LIMD1: variants seen among roughly 807,000 people sequenced by gnomAD.
LIMD1 encodes LIM domain-containing protein 1.
Under a neutral mutation model 58.4 loss-of-function variants are expected in LIMD1, and 23 were observed. The observed-to-expected ratio is 0.39, with a 90% confidence interval of 0.28 to 0.56. The LOEUF (loss-of-function observed/expected upper bound fraction) is 0.56. LIMD1 is among the 20% of genes least tolerant of loss of function. The pLI is 0.57. For synonymous variants in LIMD1, 334 were observed against 345.5 expected (o/e 0.97, Z 0.37); for missense variants, 838 against 855.5 (o/e 0.98, Z 0.25).
intron 2 of LIMD1, among the ~76,000 whole-genome samples, chr3:45,655,603 T>C (rs905323192): frequency 6.6e-6 from 1 of 152,134 alleles, no homozygotes; most frequent in Non-Finnish European, 1.5e-5. Flanking sequence ...CTAGGGAACT[T>C]AACTAGAAAT....
At chr3:45,651,706 C>T (rs1701975836) in intron 2 of LIMD1, among the ~76,000 whole-genome samples, 2 of 152,016 alleles carry the variant, frequency 1.3e-5, no homozygotes, top group African/African-American at 2.4e-5. Flanking sequence ...GATCTCAGCT[C>T]AGTGCAACCT....
intron 1 of LIMD1, among the ~76,000 whole-genome samples, chr3:45,624,531 C>A (rs982867342): frequency 6.6e-6 from 1 of 151,944 alleles, no homozygotes; most frequent in Non-Finnish European, 1.5e-5. Flanking sequence ...ACAGTGAAAC[C>A]CCATCTCTAC....
intron 1 of LIMD1, among the ~76,000 whole-genome samples, chr3:45,627,746 G>A: frequency 6.9e-6 from 1 of 145,234 alleles, no homozygotes. Context: ...GGTAGCTCAT[G>A]CCTGTAATCC....
At chr3:45,619,831 C>G (rs1210428567) in intron 1 of LIMD1, among the ~76,000 whole-genome samples, 1 of 105,004 alleles carries the variant, frequency 9.5e-6, no homozygotes, top group Non-Finnish European at 1.8e-5. Context: ...ACCCCCCGCC[C>G]CCCCCCCCAA....
chr3:45,610,438 G>C (rs1701512400), intron 1 of LIMD1, among the ~76,000 whole-genome samples: 2 of 152,120 alleles, frequency 1.3e-5, no homozygotes, highest in African/African-American at 4.8e-5. Context: ...AGGACTAGAG[G>C]GGCCAGAAAG....
chr3:45,638,946 A>G (rs1041285852), intron 2 of LIMD1, among the ~76,000 whole-genome samples: 4 of 152,186 alleles, frequency 2.6e-5, no homozygotes, highest in African/African-American at 9.7e-5. Flanking sequence ...ATGTAATTGT[A>G]GCTCACTGCA....
intron 1 of LIMD1, among the ~76,000 whole-genome samples, chr3:45,604,700 G>T (rs559220405): frequency 2.0e-3 from 312 of 152,268 alleles, no homozygotes; most frequent in Non-Finnish European, 3.7e-3. Flanking sequence ...GGCCAGTGCT[G>T]TGCTGCCAAT....
At chr3:45,631,128 C>T (rs1701727740) in intron 1 of LIMD1, among the ~76,000 whole-genome samples, 1 of 152,042 alleles carries the variant, frequency 6.6e-6, no homozygotes, top group Admixed American at 6.6e-5. Context: ...AGCTTGAAAC[C>T]AGGAGGCAGA....
intron 1 of LIMD1, among the ~76,000 whole-genome samples, chr3:45,631,898 G>T (rs936276721): frequency 1.3e-5 from 2 of 152,146 alleles, no homozygotes; most frequent in Non-Finnish European, 1.5e-5. Flanking sequence ...GCACTGACAC[G>T]TGCAATTCAT....
intron 6 of LIMD1, 85 bp downstream of exon 6, chr3:45,673,590 C>A: frequency 8.9e-7 from 1 of 1,120,716 alleles, no homozygotes; most frequent in Non-Finnish European, 1.4e-6. Flanking sequence ...CATGTCCTGT[C>A]CTTACAGCTT....
intron 2 of LIMD1, among the ~76,000 whole-genome samples, chr3:45,643,789 G>A (rs1215814724): frequency 5.3e-5 from 8 of 152,186 alleles, no homozygotes; most frequent in African/African-American, 1.9e-4. Context: ...GTGCAGGTCC[G>A]AGCTCAGTGG....
Position 45,686,013 on chromosome 3 carries a change from A to C in LIMD1, c.*8954A>C, listed in dbSNP as rs1697804340. The C allele has an allele frequency of 6.6e-6, 1 of 152,164 alleles. No homozygotes were observed. Among genetic ancestry groups the C allele is most frequent in the Admixed American group, 6.5e-5 (1 of 15,280 alleles). 9.4% of individuals were successfully genotyped at this position (152,164 alleles called of 1,614,324 possible). ...CAAGCTGACTCCCAGCACATCCAAG[A>C]ATGCAATTAACTGATAAGATACTGT... On this transcript the variant is annotated 3_prime_UTR_variant, in exon 8 of 8. Coordinates refer to ENST00000273317, the MANE Select transcript of LIMD1 (RefSeq NM_014240.3).
At chr3:45,608,579 C>A (rs1014445673) in intron 1 of LIMD1, among the ~76,000 whole-genome samples, 1 of 152,170 alleles carries the variant, frequency 6.6e-6, no homozygotes, top group African/African-American at 2.4e-5. Flanking sequence ...GTGGCTCACA[C>A]CTATAATCCC....
chr3:45,651,926 C>T (rs1222237798), intron 2 of LIMD1, among the ~76,000 whole-genome samples: 1 of 144,644 alleles, frequency 6.9e-6, no homozygotes, highest in African/African-American at 2.4e-5. Context: ...GCCACCGCAC[C>T]CGGCCTGTTA....
At chr3:45,659,965 C>T (rs1697405541) in intron 2 of LIMD1, among the ~76,000 whole-genome samples, 1 of 152,160 alleles carries the variant, frequency 6.6e-6, no homozygotes, top group Non-Finnish European at 1.5e-5. Flanking sequence ...AAAAAGCTTT[C>T]GTTTAATTTG....
chr3:45,622,560 A>G (rs1011974537), intron 1 of LIMD1, among the ~76,000 whole-genome samples: 2 of 152,226 alleles, frequency 1.3e-5, no homozygotes, highest in Non-Finnish European at 2.9e-5. Context: ...TTCTCTTTCA[A>G]AATATCTTGC....
chr3:45,657,524 CAAAAAAAAAA>C (rs71617901), intron 2 of LIMD1, among the ~76,000 whole-genome samples: 1 of 99,604 alleles, frequency 1.0e-5, no homozygotes, highest in Non-Finnish European at 2.0e-5. Flanking sequence ...GACGCTGTCT[CAAAAAAAAAA>C]AAAAAAAAAA....
At chr3:45,599,590 G>A (rs1334903348) in intron 1 of LIMD1, among the ~76,000 whole-genome samples, 1 of 152,168 alleles carries the variant, frequency 6.6e-6, no homozygotes, top group Non-Finnish European at 1.5e-5. Flanking sequence ...CAGCGTCTTG[G>A]CAGTGGCTCT....
At chr3:45,612,805 A>AT (rs1342572574) in intron 1 of LIMD1, 1 of 152,212 alleles carries the variant, frequency 6.6e-6, no homozygotes, top group African/African-American at 2.4e-5. Context: ...TTATCCACAG[A>AT]TTCTGTATTT....
Sources: gnomAD v4.1 joint callset for allele counts (sites outside exome capture counted in the v4.1 genomes callset) on GRCh38, gnomAD v4.1.1 for gene constraint, MANE v1.5 for transcripts, NCBI Gene and HGNC (gene_info 2026-07-23, HGNC 2026-07-21) for gene names.